Variants in ANKS3 observed in about 807,000 individuals in gnomAD.
The protein encoded by ANKS3 is ankyrin repeat and sterile alpha motif domain containing 3.
Under a neutral mutation model 80.7 loss-of-function variants are expected in ANKS3, and 62 were observed. That is an observed-to-expected ratio of 0.77 (90% CI 0.63 to 0.95). ANKS3 has a LOEUF of 0.95. Ranked by LOEUF, ANKS3 falls within the 40% of genes least tolerant of loss-of-function variation. ANKS3 has a pLI of 0.00. For missense variants in ANKS3, 1,150 were observed against 883.6 expected, an observed-to-expected ratio of 1.30 and a Z score of -3.82; for synonymous variants, 489 against 355.3, an observed-to-expected ratio of 1.38 and a Z score of -4.23.
At chr16:4,697,153 G>T (rs544346086) in intron 16 of ANKS3, 49 bp from the exon 17 acceptor site, 1 of 1,597,508 alleles carries the variant, frequency 6.3e-7, no homozygotes, top group South Asian at 1.1e-5. Flanking sequence ...CAGGAGGGCT[G>T]GGTGGTGCTG....
At chr16:4,717,235 G>A (rs1285629071) in intron 6 of ANKS3, among the ~76,000 whole-genome samples, 1 of 151,204 alleles carries the variant, frequency 6.6e-6, no homozygotes, top group Non-Finnish European at 1.5e-5. Flanking sequence ...GACGAAGCAA[G>A]ACTCTATCTC....
chr16:4,702,264 T>C, intron 8 of ANKS3, 22 bp from the exon 9 acceptor site: 2 of 1,491,688 alleles, frequency 1.3e-6, no homozygotes, highest in Non-Finnish European at 1.8e-6. Flanking sequence ...ATGGGGCCCA[T>C]AAGCCCAGGG....
intron 9 of ANKS3, 44 bp downstream of exon 9, chr16:4,702,058 G>A (rs1596356629): frequency 2.6e-6 from 4 of 1,536,510 alleles, no homozygotes; most frequent in Non-Finnish European, 3.5e-6. Flanking sequence ...AGGAGCTCCA[G>A]GACCTGCCTG....
chr16:4,698,387 C>A, intron 14 of ANKS3, 40 bp downstream of exon 14: 1 of 1,446,638 alleles, frequency 6.9e-7, no homozygotes. Context: ...AGGTGGCTGA[C>A]CACTGGAGAC....
chr16:4,710,716 T>C (rs905452909), intron 7 of ANKS3, among the ~76,000 whole-genome samples: 2 of 152,068 alleles, frequency 1.3e-5, no homozygotes, highest in Admixed American at 1.3e-4. Context: ...TCACAAAAAA[T>C]AAATCAATAT....
At position 4,702,127 on chromosome 16, in the gene ANKS3, C is replaced by G. The variant is rs76733899; in HGVS notation, c.984G>C (p.Glu328Asp). Residue 328 changes from glutamate (E) to aspartate (D), a missense_variant, in exon 9 of 18, where the codon GAG (glutamate) becomes GAC (aspartate). Coordinates refer to ENST00000304283, the MANE Select transcript of ANKS3 (RefSeq NM_133450.4). ...CCCGACTGCTGCTGCTGCTGCTGCT[C>G]TCCACATCCCGCTCATTGATGGGGG... ...VTSPINERDV[E>D]SSSSSSSREE... The G allele has an allele frequency of 4.6e-5, 73 of 1,598,728 alleles. No homozygotes were observed. In the South Asian group the frequency reaches 7.7e-4, roughly 17 times the overall value.
chr16:4,710,890 C>G (rs1408562863), intron 7 of ANKS3, among the ~76,000 whole-genome samples: 3 of 152,142 alleles, frequency 2.0e-5, no homozygotes, highest in Non-Finnish European at 4.4e-5. Flanking sequence ...TCTCCCCCTC[C>G]CGGGTTCAAG....
chr16:4,700,924 A>T, intron 11 of ANKS3, 46 bp downstream of exon 11: 1 of 1,610,904 alleles, frequency 6.2e-7, no homozygotes, highest in Non-Finnish European at 8.5e-7. Flanking sequence ...AAGTCACAAA[A>T]AGTGCCGTCT....
At chr16:4,703,375 A>C (rs2142042430) in intron 8 of ANKS3, among the ~76,000 whole-genome samples, 1 of 151,906 alleles carries the variant, frequency 6.6e-6, no homozygotes, top group South Asian at 2.1e-4. Context: ...TCAGCCTTCC[A>C]AAGTGCTGGG....
intron 13 of ANKS3, 56 bp downstream of exon 13, chr16:4,698,744 A>T: frequency 6.4e-7 from 1 of 1,556,468 alleles, no homozygotes; most frequent in East Asian, 2.2e-5. Context: ...TCTGTCAGAG[A>T]TGGAGCCAAC....
chr16:4,700,884 G>A, intron 11 of ANKS3, 86 bp downstream of exon 11: 3 of 1,534,990 alleles, frequency 2.0e-6, no homozygotes, highest in South Asian at 2.2e-5. Context: ...AGCAGCGCCT[G>A]GCACGTCATA....
intron 7 of ANKS3, among the ~76,000 whole-genome samples, chr16:4,711,675 G>A (rs1045317445): frequency 6.9e-6 from 1 of 145,700 alleles, no homozygotes; most frequent in Admixed American, 7.0e-5. Context: ...TCAAGATCGA[G>A]CCACTGCACT....
chr16:4,697,940 C>A (rs374679570), intron 15 of ANKS3, 37 bp downstream of exon 15: 1 of 1,480,264 alleles, frequency 6.8e-7, no homozygotes, highest in South Asian at 1.4e-5. Flanking sequence ...CCCCACCTTC[C>A]CCTCTGCCCA....
intron 13 of ANKS3, 24 bp downstream of exon 13, chr16:4,698,776 C>A: frequency 6.3e-7 from 1 of 1,583,538 alleles, no homozygotes; most frequent in South Asian, 1.2e-5. Flanking sequence ...ACCCTGCCCC[C>A]CCATCCCCCA....
intron 7 of ANKS3, among the ~76,000 whole-genome samples, chr16:4,706,270 A>T (rs1029479450): frequency 2.0e-5 from 3 of 151,288 alleles, no homozygotes; most frequent in African/African-American, 7.3e-5. Flanking sequence ...TTGCTCTGTC[A>T]CCCAGGCAGG....
In ANKS3 at chr16:4,697,528, C is replaced by A. The variant is rs150380778; in HGVS notation, c.1811-112G>T. 13 of 873,332 alleles carry A rather than the reference C, an allele frequency of 1.5e-5. No homozygotes were observed. The Admixed American group carries it at 2.1e-4, about 14-fold the overall frequency. 54.1% of individuals were successfully genotyped at this position (873,332 alleles called of 1,614,324 possible). ...ACCTGCTTGGATCAGAACCTCCCTACCCGCCTGACAGTGTCTAAGCAACCT... is the reference window on the plus strand; with the variant it reads ...ACCTGCTTGGATCAGAACCTCCCTAACCGCCTGACAGTGTCTAAGCAACCT... On this transcript the variant is annotated intron_variant, in intron 15 of 17. Coordinates refer to ENST00000304283, the MANE Select transcript of ANKS3 (RefSeq NM_133450.4).
intron 3 of ANKS3, chr16:4,728,165 C>A (rs1368379341): frequency 6.6e-6 from 1 of 152,290 alleles, no homozygotes; most frequent in Non-Finnish European, 1.5e-5. Flanking sequence ...CCTGCCTCAG[C>A]CTCCCAAGTA....
Position 4,705,173 on chromosome 16 carries a change from T to A in ANKS3, c.790A>T (p.Ser264Cys). ...AGGGCTCGCGGTCCCTCGTGGATGC[T>A]GACACCCTTCTTCCGGCAAGGCCTC... Reference protein sequence around the residue: ...RQRPCRKKGVSIHEGPRALAR... With the variant: ...RQRPCRKKGVCIHEGPRALAR... The change falls in exon 8 of 18, where the codon AGC becomes TGC. Residue 264 changes from serine (S) to cysteine (C), a missense_variant. Ser to Cys is a moderately radical substitution (Grantham distance 112). Transcript: ENST00000304283. 1 of 1,613,900 alleles carries A rather than the reference T, an allele frequency of 6.2e-7. No homozygotes were observed. The highest frequency in any genetic ancestry group is 8.5e-7 in the Non-Finnish European group (1 of 1,180,046).
chr16:4,726,100 C>T (rs1449316177), intron 5 of ANKS3, among the ~76,000 whole-genome samples: 3 of 151,910 alleles, frequency 2.0e-5, no homozygotes, highest in South Asian at 2.1e-4. Context: ...CTCAGCCTCC[C>T]GAGTAGCTGG....
Sources: gnomAD v4.1 joint callset for allele counts (sites outside exome capture counted in the v4.1 genomes callset) on GRCh38, gnomAD v4.1.1 for gene constraint, MANE v1.5 for transcripts, NCBI Gene and HGNC (gene_info 2026-07-23, HGNC 2026-07-21) for gene names.